The following PRKG1 variants were observed in gnomAD, a reference collection of about 807,000 sequenced individuals.
PRKG1 encodes protein kinase cGMP-dependent 1.
A neutral mutation model predicts 88.1 loss-of-function variants in PRKG1; 35 were observed. The ratio of observed to expected loss-of-function variants is 0.40; its 90% CI spans 0.30 to 0.53. PRKG1 has a LOEUF of 0.53. Ranked by LOEUF, PRKG1 falls within the 20% of genes least tolerant of loss-of-function variation. PRKG1 has a pLI of 0.59. For synonymous variants in PRKG1, 303 were observed against 292.5 expected (o/e 1.04, Z -0.37); for missense variants, 540 against 839.8 (o/e 0.64, Z 4.41).
At chr10:52,280,996 C>A (rs1841992142) in intron 13 of PRKG1, 66 bp downstream of exon 13, 1 of 1,510,124 alleles carries the variant, frequency 6.6e-7, no homozygotes, top group South Asian at 1.2e-5. Flanking sequence ...AAACTGTGTT[C>A]ATTTGCTAAT....
chr10:52,287,474 C>T (rs779586657), intron 14 of PRKG1, among the ~76,000 whole-genome samples: 2 of 151,914 alleles, frequency 1.3e-5, no homozygotes, highest in Admixed American at 6.6e-5. Flanking sequence ...GTTTGAACTG[C>T]TCTTAATAAA....
chr10:51,848,617 T>C (rs185092206), intron 4 of PRKG1, among the ~76,000 whole-genome samples: 138 of 150,636 alleles, frequency 9.2e-4, no homozygotes, highest in Non-Finnish European at 1.6e-3. Flanking sequence ...GTTCCATTAA[T>C]TCTGTGTGTC....
intron 3 of PRKG1, among the ~76,000 whole-genome samples, chr10:51,678,652 T>C (rs1200741702): frequency 6.6e-6 from 1 of 152,216 alleles, no homozygotes; most frequent in East Asian, 1.9e-4. Flanking sequence ...GTGGCATAAC[T>C]TAAGAAAATG....
chr10:52,023,825 T>C (rs76471570), intron 5 of PRKG1, among the ~76,000 whole-genome samples: 1 of 152,206 alleles, frequency 6.6e-6, no homozygotes. Context: ...CTTTGTTAGA[T>C]GGATAGATTG....
chr10:51,961,162 C>A (rs1843437657), intron 5 of PRKG1, among the ~76,000 whole-genome samples: 2 of 152,038 alleles, frequency 1.3e-5, no homozygotes, highest in Non-Finnish European at 2.9e-5. Flanking sequence ...TAACATAATA[C>A]CAAATACAGT....
intron 3 of PRKG1, among the ~76,000 whole-genome samples, chr10:51,797,319 T>C (rs903720945): frequency 2.0e-5 from 3 of 147,702 alleles, no homozygotes; most frequent in African/African-American, 7.4e-5. Flanking sequence ...TTTTTACTTA[T>C]ATATATAATG....
chr10:51,598,394 C>T (rs535929943), intron 3 of PRKG1, among the ~76,000 whole-genome samples: 2 of 152,292 alleles, frequency 1.3e-5, no homozygotes, highest in African/African-American at 4.8e-5. Flanking sequence ...CTGCCTTAGC[C>T]TCCCAAGTAG....
At chr10:51,624,647 C>T (rs376691336) in intron 3 of PRKG1, among the ~76,000 whole-genome samples, 5 of 152,146 alleles carry the variant, frequency 3.3e-5, no homozygotes, top group African/African-American at 1.2e-4. Flanking sequence ...ATTTGGGACA[C>T]AGTTGTGGCC....
At chr10:51,755,723 G>A (rs1056953561) in intron 3 of PRKG1, among the ~76,000 whole-genome samples, 1 of 152,204 alleles carries the variant, frequency 6.6e-6, no homozygotes, top group African/African-American at 2.4e-5. Flanking sequence ...GATGGATCCT[G>A]AAATAACACT....
At chr10:52,292,153 T>C (rs1245986177) in intron 17 of PRKG1, among the ~76,000 whole-genome samples, 1 of 151,730 alleles carries the variant, frequency 6.6e-6, no homozygotes, top group Non-Finnish European at 1.5e-5. Context: ...TTGTAGATTC[T>C]GGATATTAGC....
At chr10:51,198,329 T>A (rs1242337377) in intron 2 of PRKG1, among the ~76,000 whole-genome samples, 2 of 152,176 alleles carry the variant, frequency 1.3e-5, no homozygotes, top group East Asian at 3.9e-4. Flanking sequence ...TGCACATATC[T>A]GTCATATTAT....
chr10:51,949,557 C>T (rs139244328), intron 5 of PRKG1, among the ~76,000 whole-genome samples: 21 of 152,030 alleles, frequency 1.4e-4, no homozygotes, highest in African/African-American at 4.6e-4. Flanking sequence ...CAACAAATGC[C>T]TAGAACATGT....
At chr10:51,717,652 A>G (rs1841917380) in intron 3 of PRKG1, among the ~76,000 whole-genome samples, 1 of 152,096 alleles carries the variant, frequency 6.6e-6, no homozygotes, top group Admixed American at 6.5e-5. Context: ...TAACATGGTG[A>G]AACCCTGTCT....
intron 2 of PRKG1, among the ~76,000 whole-genome samples, chr10:51,193,549 G>A (rs1055052875): frequency 6.6e-6 from 1 of 151,896 alleles, no homozygotes; most frequent in Non-Finnish European, 1.5e-5. Flanking sequence ...AACATCTTTT[G>A]GACACCTAAC....
intron 3 of PRKG1, among the ~76,000 whole-genome samples, chr10:51,494,212 A>C (rs1840788586): frequency 6.6e-6 from 1 of 152,206 alleles, no homozygotes; most frequent in Non-Finnish European, 1.5e-5. Flanking sequence ...CCTGAGGCAC[A>C]GCACTCAGCT....
intron 2 of PRKG1, among the ~76,000 whole-genome samples, chr10:51,343,268 AGC>A (rs1451908257): frequency 2.0e-5 from 3 of 152,088 alleles, no homozygotes; most frequent in Non-Finnish European, 2.9e-5. Context: ...CTCCAGTTCA[AGC>A]TCTGGGGAGA....
At chr10:51,297,777 T>A (rs2132233083) in intron 2 of PRKG1, among the ~76,000 whole-genome samples, 1 of 152,262 alleles carries the variant, frequency 6.6e-6, no homozygotes, top group East Asian at 1.9e-4. Flanking sequence ...AACCTTGATA[T>A]CTTACATGTA....
chr10:51,426,196 G>A (rs1838577644), intron 2 of PRKG1, among the ~76,000 whole-genome samples: 1 of 152,080 alleles, frequency 6.6e-6, no homozygotes, highest in Non-Finnish European at 1.5e-5. Context: ...CAGGAGAGTC[G>A]CTTGAACCTG....
intron 10 of PRKG1, chr10:52,253,579 C>T (rs1841234906): frequency 6.6e-6 from 1 of 151,622 alleles, no homozygotes. Flanking sequence ...CATGTGTATG[C>T]TCATTTCTGT....
Sources: allele counts gnomAD v4.1 joint callset (sites outside exome capture counted in the v4.1 genomes callset), GRCh38; gene constraint gnomAD v4.1.1; transcripts MANE v1.5; gene names NCBI Gene and HGNC (gene_info 2026-07-23, HGNC 2026-07-21).